NPHP4: variants seen among roughly 807,000 people sequenced by gnomAD.
NPHP4 encodes nephrocystin 4, also known as nephrocystin-4.
In NPHP4, 151 loss-of-function variants were observed where a neutral mutation model predicts 155.8. That is an observed-to-expected ratio of 0.97 (90% CI 0.85 to 1.11). NPHP4 has a LOEUF of 1.11. NPHP4 is among the 50% of genes least tolerant of loss of function. The pLI is 0.00. For missense variants in NPHP4, 1,956 were observed against 1,925.7 expected (o/e 1.02, Z -0.29); for synonymous variants, 845 against 816.8 (o/e 1.03, Z -0.59).
intron 10 of NPHP4, among the ~76,000 whole-genome samples, chr1:5,932,016 G>A (rs1425169195): frequency 1.3e-5 from 2 of 151,962 alleles, no homozygotes; most frequent in African/African-American, 2.4e-5. Flanking sequence ...CAAGGCTGCA[G>A]TGAACTATGA....
intron 1 of NPHP4, among the ~76,000 whole-genome samples, chr1:5,988,086 T>C (rs2102471393): frequency 6.6e-6 from 1 of 152,326 alleles, no homozygotes; most frequent in South Asian, 2.1e-4. Flanking sequence ...TTCTGAACAA[T>C]GCGTAATGGT....
At chr1:5,967,914 C>A (rs905768674) in intron 4 of NPHP4, among the ~76,000 whole-genome samples, 9 of 151,930 alleles carry the variant, frequency 5.9e-5, no homozygotes, top group African/African-American at 1.4e-4. Context: ...GCTTGAGAAA[C>A]CCTGACTTGG....
At position 5,947,176 on chromosome 1, in the gene NPHP4, G is replaced by A. The variant is rs560597983; in HGVS notation, c.1047C>T (p.Val349=). 1.9e-5 allele frequency: 31 copies of A among 1,613,878 alleles called. No individual in the cohort carries two copies. In the East Asian group the frequency reaches 3.6e-4, roughly 19 times the overall value. ...AGATGACCGCAAATGCAGGGTGGCCGACCATCTCTGGGAGGCGGAGGCGGC... is the reference window on the plus strand; with the variant it reads ...AGATGACCGCAAATGCAGGGTGGCCAACCATCTCTGGGAGGCGGAGGCGGC... ...LRSRLRLPEM[V]GHPAFAVIFQ... Residue 349 remains valine (V), a synonymous_variant, in exon 9 of 30, where the codon GTC becomes GTT. Transcript: ENST00000378156.
At chr1:5,938,318 G>A (rs1646651251) in intron 9 of NPHP4, among the ~76,000 whole-genome samples, 1 of 152,222 alleles carries the variant, frequency 6.6e-6, no homozygotes, top group African/African-American at 2.4e-5. Context: ...GAAGAGCTGG[G>A]GGTGGCAGGC....
chr1:5,898,213 G>A (rs761308185), intron 16 of NPHP4, among the ~76,000 whole-genome samples: 6 of 152,206 alleles, frequency 3.9e-5, no homozygotes, highest in Non-Finnish European at 7.3e-5. Flanking sequence ...AACACCAGGA[G>A]GAACATGTTA....
At chr1:5,899,508 C>T (rs546071698) in intron 16 of NPHP4, among the ~76,000 whole-genome samples, 10 of 152,316 alleles carry the variant, frequency 6.6e-5, no homozygotes, top group African/African-American at 1.7e-4. Context: ...TGAAGGACTG[C>T]GGTGAGGGAG....
chr1:5,990,936 C>T (rs950410941), intron 1 of NPHP4, among the ~76,000 whole-genome samples: 4 of 152,134 alleles, frequency 2.6e-5, no homozygotes, highest in African/African-American at 9.7e-5. Flanking sequence ...TGTTCCAGTG[C>T]ATAAGAAGGC....
chr1:5,958,673 C>T (rs991899747), intron 6 of NPHP4, among the ~76,000 whole-genome samples: 2 of 145,992 alleles, frequency 1.4e-5, no homozygotes, highest in Non-Finnish European at 3.0e-5. Flanking sequence ...CTTGCCTGGG[C>T]GACAGAGCAA....
rs1183097178 is a variant in NPHP4, at chr1:5,892,181, T to C, written c.2144-1153A>G. Among the ~76,000 whole-genome samples the C allele has an allele frequency of 6.6e-6, 1 of 152,204 alleles. No individual in the cohort carries two copies. The highest frequency in any genetic ancestry group is 6.5e-5 in the Admixed American group (1 of 15,284). On this transcript the variant is annotated intron_variant, in intron 16 of 29. Transcript: ENST00000378156. The surrounding 1 kb of genome is among the most constrained non-coding windows in gnomAD (Gnocchi z 4.5). Reference sequence around the variant, plus strand: ...ACACAGCCCCCACCCCTGCCTGGACTGTGGCATCTAGTGAGAGCTCCCAGC... The same window carrying C: ...ACACAGCCCCCACCCCTGCCTGGACCGTGGCATCTAGTGAGAGCTCCCAGC...
chr1:5,927,823 C>T (rs1646088379), intron 10 of NPHP4, 36 bp from the exon 11 acceptor site: 1 of 1,578,972 alleles, frequency 6.3e-7, no homozygotes, highest in African/African-American at 1.3e-5. Context: ...TGGCCACTCC[C>T]TTCATCAGCA....
chr1:5,933,143 T>G lies in NPHP4; in HGVS notation c.1302+4A>C. On this transcript the variant is annotated splice_donor_region_variant and intron_variant, in intron 10 of 29. Coordinates refer to ENST00000378156, the MANE Select transcript of NPHP4 (RefSeq NM_015102.5). ...AGATGCATAAGAAATACCTAATAAT[T>G]TACCTCTTCAGAGCTCATGCTGGCT... 1 of 1,537,606 alleles carries G rather than the reference T, an allele frequency of 6.5e-7. No homozygotes were observed.
At chr1:5,883,733 G>C (rs1317208436) in intron 18 of NPHP4, among the ~76,000 whole-genome samples, 1 of 152,212 alleles carries the variant, frequency 6.6e-6, no homozygotes, top group Non-Finnish European at 1.5e-5. Context: ...TCATCTGATA[G>C]CGAATGGTTC....
chr1:5,880,146 C>T lies in NPHP4; in HGVS notation c.2579G>A (p.Gly860Glu), dbSNP rs1487910110. The T allele has an allele frequency of 2.2e-5, 36 of 1,613,602 alleles. No homozygotes were observed. Among genetic ancestry groups the T allele is most frequent in the Non-Finnish European group, 3.0e-5 (35 of 1,179,762 alleles). Reference sequence around the variant, plus strand: ...GCTTCCAGTCGTGAGGAGGCTGCCTCCAGAGAAGCGGCTGGCTCCATCGTT... The same window carrying T: ...GCTTCCAGTCGTGAGGAGGCTGCCTTCAGAGAAGCGGCTGGCTCCATCGTT... ...ISNDGASRFS[G>E]GSLLTTGSSR... Residue 860 changes from glycine to glutamate, a missense_variant, in exon 19 of 30, where the codon GGA becomes GAA. Physicochemically the swap from Gly to Glu is moderately conservative, Grantham distance 98 (BLOSUM62 -2). Coordinates refer to ENST00000378156, the MANE Select transcript of NPHP4 (RefSeq NM_015102.5).
chr1:5,876,985 T>G, intron 20 of NPHP4, 108 bp downstream of exon 20: 5 of 754,974 alleles, frequency 6.6e-6, no homozygotes, highest in Non-Finnish European at 9.3e-6. Flanking sequence ...GTCCCCAGGA[T>G]TTGGGAGGAA....
chr1:5,874,793 T>A, intron 21 of NPHP4, 81 bp downstream of exon 21: 1 of 1,541,532 alleles, frequency 6.5e-7, no homozygotes, highest in Non-Finnish European at 8.9e-7. Flanking sequence ...TCGGGCAGAA[T>A]TCGAGCCAGC....
intron 5 of NPHP4, 64 bp from the exon 6 acceptor site, chr1:5,962,013 A>T: frequency 7.6e-7 from 1 of 1,320,082 alleles, no homozygotes; most frequent in Non-Finnish European, 1.1e-6. Flanking sequence ...CAGTCAAACC[A>T]GCCAATTAAC....
chr1:5,914,359 G>A (rs1369248133), intron 11 of NPHP4, among the ~76,000 whole-genome samples: 1 of 151,104 alleles, frequency 6.6e-6, no homozygotes, highest in Non-Finnish European at 1.5e-5. Context: ...ACTTGGGCCT[G>A]GAAGGTGGAA....
intron 26 of NPHP4, chr1:5,866,169 C>T: frequency 3.4e-6 from 2 of 594,798 alleles, no homozygotes; most frequent in South Asian, 1.9e-5. Flanking sequence ...GTCCCTCAGG[C>T]TGCACGTGCC....
intron 7 of NPHP4, among the ~76,000 whole-genome samples, chr1:5,949,806 A>C (rs1466839232): frequency 6.6e-6 from 1 of 152,134 alleles, no homozygotes; most frequent in African/African-American, 2.4e-5. Flanking sequence ...CCGGGACCAC[A>C]AAACAGGCCC....
Sources: gnomAD v4.1 joint callset for allele counts (sites outside exome capture counted in the v4.1 genomes callset) on GRCh38, gnomAD v4.1.1 for gene constraint, Gnocchi (gnomAD v3.1) non-coding constraint, MANE v1.5 for transcripts, NCBI Gene and HGNC (gene_info 2026-07-23, HGNC 2026-07-21) for gene names.